POLR2M: variants seen among roughly 807,000 people sequenced by gnomAD.
POLR2M encodes RNA polymerase II subunit M.
A neutral mutation model predicts 34.6 loss-of-function variants in POLR2M; 30 were observed. That is an observed-to-expected ratio of 0.87 (90% CI 0.65 to 1.18). The LOEUF is 1.18. Ranked by LOEUF, POLR2M falls within the 50% of genes most tolerant of loss-of-function variation. The pLI is 0.00. For synonymous variants in POLR2M, 150 were observed against 166.7 expected (o/e 0.90, Z 0.77); for missense variants, 432 against 448.7 (o/e 0.96, Z 0.34).
Position 57,709,326 on chromosome 15 carries a change from A to G in POLR2M, c.726A>G (p.Pro242=). 1.2e-6 allele frequency: 2 copies of G among 1,613,998 alleles called. No homozygotes were observed. The highest frequency in any genetic ancestry group is 2.2e-5 in the South Asian group (2 of 91,060). The part of the protein sequence containing the change: ...MEVLEMRAKN[P]VPQLRKFKTN... ...TGCTAGAAATGCGAGCCAAAAACCCAGTGCCCCAGCTGCGTAAATTTAAAA... is the reference window on the plus strand; with the variant it reads ...TGCTAGAAATGCGAGCCAAAAACCCGGTGCCCCAGCTGCGTAAATTTAAAA... Residue 242 remains proline, a synonymous_variant, in exon 2 of 4, where the codon CCA becomes CCG. Transcript: ENST00000299638.
Position 57,715,520 on chromosome 15 carries a change from T to G in POLR2M, c.*841T>G, listed in dbSNP as rs1297398556. 6.6e-6 allele frequency: 1 copy of G among 152,152 alleles called. No homozygotes were observed. The highest frequency in any genetic ancestry group is 2.4e-5 in the African/African-American group (1 of 41,428). The allele number at this position is 152,152 out of a possible 1,614,324, so 9.4% of individuals were successfully genotyped here. A position where few individuals can be genotyped will look rare whatever the true frequency, so the allele number is the denominator to read the frequency against. ...GTGAAGGCTTGTGCATCACCTGGCT[T>G]GAGTTCCTTGCTGTCACAGATGATA... On this transcript the variant is annotated 3_prime_UTR_variant, in exon 4 of 4. Coordinates refer to ENST00000299638, the MANE Select transcript of POLR2M (RefSeq NM_015532.5).
Position 57,711,990 on chromosome 15 carries a change from T to G in POLR2M, c.765T>G (p.Pro255=). 6.2e-7 allele frequency: 1 copy of G among 1,613,974 alleles called. No homozygotes were observed. Among genetic ancestry groups the G allele is most frequent in the Non-Finnish European group, 8.5e-7 (1 of 1,179,874 alleles). The part of the protein sequence containing the change: ...QLRKFKTNVL[P]FRQNDSSSHC... ...CAAGTTTTCCTTTCATCAGGTTACCTTTTCGACAAAATGATTCATCTAGTC... is the reference window on the plus strand; with the variant it reads ...CAAGTTTTCCTTTCATCAGGTTACCGTTTCGACAAAATGATTCATCTAGTC... Residue 255 remains proline (P), a synonymous_variant, in exon 3 of 4, where the codon CCT becomes CCG. Transcript: ENST00000299638.
chr15:57,706,720 C>G lies in POLR2M; in HGVS notation c.-123C>G. ...TCGGCTCGAAGAAGACCCCGTTCTT[C>G]CGGGAAAATGGCGACTCCCGCTCGT... is the stretch of plus-strand genomic sequence containing the variant. On this transcript the variant is annotated 5_prime_UTR_variant, in exon 1 of 4. Transcript: ENST00000299638. 1.8e-6 allele frequency: 2 copies of G among 1,142,004 alleles called. No homozygotes were observed. Among genetic ancestry groups the G allele is most frequent in the Non-Finnish European group, 2.5e-6 (2 of 812,042 alleles). 70.7% of individuals were successfully genotyped at this position (1,142,004 alleles called of 1,614,324 possible).
intron 1 of POLR2M, chr15:57,707,208 CT>C (rs1206466747): frequency 6.9e-7 from 1 of 1,446,046 alleles, no homozygotes; most frequent in African/African-American, 1.4e-5. Context: ...TTAGTAGCCC[CT>C]GGTCGGTTTT....
intron 2 of POLR2M, among the ~76,000 whole-genome samples, chr15:57,710,462 G>A (rs2040663825): frequency 6.6e-6 from 1 of 152,032 alleles, no homozygotes; most frequent in Non-Finnish European, 1.5e-5. Context: ...CTTCTTTTTT[G>A]TTAGACTTTA....
rs879814978 is a variant in POLR2M at position 57,715,462 on chromosome 15, T to C, written c.*783T>C. ...AACCTCATGTTACTTCAGGCAAATC[T>C]GGTACAGGAGAAGCCCAAGCTAACT... On this transcript the variant is annotated 3_prime_UTR_variant, in exon 4 of 4. Coordinates refer to ENST00000299638, the MANE Select transcript of POLR2M (RefSeq NM_015532.5). The C allele has an allele frequency of 1.3e-5, 2 of 152,150 alleles. No homozygotes were observed. The highest frequency in any genetic ancestry group is 2.4e-5 in the African/African-American group (1 of 41,426). The allele number at this position is 152,150 out of a possible 1,614,324, so 9.4% of individuals were successfully genotyped here.
In POLR2M at chr15:57,706,798, A is replaced by G; in HGVS notation, c.-45A>G. On this transcript the variant is annotated 5_prime_UTR_variant, in exon 1 of 4. Transcript: ENST00000299638. The stretch of plus-strand genomic sequence containing the variant: ...CCGGCGCTAGTAGCGGGGCCTGCCG[A>G]GGAAGCCGAGTGCCCGCCGCCGCGC... The G allele has an allele frequency of 6.5e-7, 1 of 1,539,240 alleles. No homozygotes were observed. Among genetic ancestry groups the G allele is most frequent in the South Asian group, 1.2e-5 (1 of 83,466 alleles).
rs775508483 is a variant in POLR2M at position 57,709,225 on chromosome 15, T to C, written c.625T>C (p.Ser209Pro). 6.2e-7 allele frequency: 1 copy of C among 1,614,080 alleles called. No homozygotes were observed. Among genetic ancestry groups the C allele is most frequent in the Non-Finnish European group, 8.5e-7 (1 of 1,180,014 alleles). ...ITIADQGEQQSEENASTKNLT... is the reference protein window; with the variant it reads ...ITIADQGEQQPEENASTKNLT... ...CATTGCGGACCAAGGTGAACAACAG[T>C]CAGAAGAAAACGCAAGTACTAAGAA... The change falls in exon 2 of 4, where the codon TCA becomes CCA. Residue 209 changes from serine to proline, a missense_variant. Transcript: ENST00000299638.
At chr15:57,710,989 A>T (rs1461973645) in intron 2 of POLR2M, among the ~76,000 whole-genome samples, 1 of 152,164 alleles carries the variant, frequency 6.6e-6, no homozygotes, top group African/African-American at 2.4e-5. Context: ...TCTATCCCAG[A>T]TCTTCCCAGA....
At chr15:57,708,586 T>A in intron 1 of POLR2M, 128 bp from the exon 2 acceptor site, 1 of 860,724 alleles carries the variant, frequency 1.2e-6, no homozygotes, top group Non-Finnish European at 1.7e-6. Flanking sequence ...TTTGGGGCAG[T>A]TAGAAATCAG....
chr15:57,714,495 A>G (rs774154477), intron 3 of POLR2M, 41 bp from the exon 4 acceptor site: 2 of 1,608,794 alleles, frequency 1.2e-6, no homozygotes, highest in African/African-American at 1.3e-5. Flanking sequence ...TAAGGAAGAG[A>G]TGTGAACGTG....
At chr15:57,710,803 T>C (rs2040677860) in intron 2 of POLR2M, among the ~76,000 whole-genome samples, 2 of 152,116 alleles carry the variant, frequency 1.3e-5, no homozygotes, top group South Asian at 4.1e-4. Flanking sequence ...AGGCAGGGCT[T>C]TGAGGAGTCC....
chr15:57,714,405 G>A (rs566996404), intron 3 of POLR2M, 131 bp from the exon 4 acceptor site: 2 of 1,471,116 alleles, frequency 1.4e-6, no homozygotes, highest in South Asian at 2.7e-5. Context: ...CATCAGGCTT[G>A]TATTGCCCAA....
chr15:57,706,757 A>G lies in POLR2M; in HGVS notation c.-86A>G. 6.8e-7 allele frequency: 1 copy of G among 1,464,476 alleles called. No homozygotes were observed. The highest frequency in any genetic ancestry group is 9.2e-7 in the Non-Finnish European group (1 of 1,083,418). 90.7% of individuals were successfully genotyped at this position (1,464,476 alleles called of 1,614,324 possible). ...CGACTCCCGCTCGTGCCCCGGAGTC[A>G]CCGCCGTCCGCGGATCCGGCGCTAG... On this transcript the variant is annotated 5_prime_UTR_variant, in exon 1 of 4. Coordinates refer to ENST00000299638, the MANE Select transcript of POLR2M (RefSeq NM_015532.5).
chr15:57,707,502 T>G (rs552810091), intron 1 of POLR2M: 96 of 498,046 alleles, frequency 1.9e-4, no homozygotes, highest in African/African-American at 1.8e-3. Context: ...AAAAGATGGT[T>G]TGAAGGAATA....
Position 57,708,835 on chromosome 15 carries a change from A to C in POLR2M, c.235A>C (p.Ser79Arg). The C allele has an allele frequency of 2.5e-6, 4 of 1,614,054 alleles. No individual in the cohort carries two copies. The highest frequency in any genetic ancestry group is 2.5e-6 in the Non-Finnish European group (3 of 1,179,884). The change falls in exon 2 of 4, where the codon AGT (serine) becomes CGT (arginine). Residue 79 changes from serine (S) to arginine (R), a missense_variant. By Grantham distance (110) the Ser-to-Arg change is moderately radical. Coordinates refer to ENST00000299638, the MANE Select transcript of POLR2M (RefSeq NM_015532.5). ...RRKSELFNPV[S>R]LDCKLRQKAI... is the part of the protein sequence containing the mutation. ...AAAAAGTGAACTGTTTAACCCTGTT[A>C]GTTTAGACTGTAAGCTAAGGCAAAA...
In POLR2M at chr15:57,716,391, C is replaced by A. The variant is rs1360299450; in HGVS notation, c.*1712C>A. 1.3e-5 allele frequency: 2 copies of A among 152,224 alleles called. No homozygotes were observed. Among genetic ancestry groups the A allele is most frequent in the Non-Finnish European group, 2.9e-5 (2 of 68,034 alleles). The allele number at this position is 152,224 out of a possible 1,614,324, so 9.4% of individuals were successfully genotyped here. On this transcript the variant is annotated 3_prime_UTR_variant, in exon 4 of 4. Coordinates refer to ENST00000299638, the MANE Select transcript of POLR2M (RefSeq NM_015532.5). Reference sequence around the variant, plus strand: ...TCTTAATCACATCCATAGAAAATGACTTATTTCCAGAAGATACCGCTCTAA... The same window carrying A: ...TCTTAATCACATCCATAGAAAATGAATTATTTCCAGAAGATACCGCTCTAA...
chr15:57,707,084 C>T (rs1346757336), intron 1 of POLR2M, 129 bp downstream of exon 1: 2 of 1,550,294 alleles, frequency 1.3e-6, no homozygotes, highest in South Asian at 2.4e-5. Flanking sequence ...TCGCTTCAGT[C>T]CTACGGGCGA....
At chr15:57,707,085 C>T (rs761357454) in intron 1 of POLR2M, 130 bp downstream of exon 1, 6 of 1,550,180 alleles carry the variant, frequency 3.9e-6, no homozygotes, top group Admixed American at 2.0e-5. Context: ...CGCTTCAGTC[C>T]TACGGGCGAG....
Sources: gnomAD v4.1 joint callset for allele counts (sites outside exome capture counted in the v4.1 genomes callset) on GRCh38, gnomAD v4.1.1 for gene constraint, MANE v1.5 for transcripts, NCBI Gene and HGNC (gene_info 2026-07-23, HGNC 2026-07-21) for gene names.